Variants in CERS6 observed in about 807,000 individuals in gnomAD.
CERS6 encodes LAG1 homolog, ceramide synthase 6.
CERS6 carries 26 observed loss-of-function variants against 56.8 expected under a neutral mutation model. That is an observed-to-expected ratio of 0.46 (90% CI 0.34 to 0.63). CERS6 has a LOEUF of 0.63. Ranked by LOEUF, CERS6 falls within the 30% of genes least tolerant of loss-of-function variation. The pLI, the probability that CERS6 is intolerant of heterozygous loss-of-function variation, is 0.01. For missense variants in CERS6, 415 were observed against 467.5 expected (o/e 0.89, Z 1.04); for synonymous variants, 164 against 173.3 (o/e 0.95, Z 0.42).
chr2:168,560,727 T>G (rs1477348232), intron 2 of CERS6, among the ~76,000 whole-genome samples: 1 of 152,222 alleles, frequency 6.6e-6, no homozygotes, highest in African/African-American at 2.4e-5. Flanking sequence ...TTTTCCATGC[T>G]TTTTGTCTCT....
At chr2:168,493,023 T>G (rs1694401643) in intron 1 of CERS6, among the ~76,000 whole-genome samples, 1 of 152,208 alleles carries the variant, frequency 6.6e-6, no homozygotes, top group South Asian at 2.1e-4. Flanking sequence ...GTTTTTAGAA[T>G]GTATACTTCT....
chr2:168,732,896 A>G (rs1683586339), intron 8 of CERS6, among the ~76,000 whole-genome samples: 1 of 152,176 alleles, frequency 6.6e-6, no homozygotes, highest in South Asian at 2.1e-4. Flanking sequence ...AAATAAAGTG[A>G]TGCTTGGTTG....
chr2:168,569,419 G>C (rs543516736), intron 3 of CERS6, among the ~76,000 whole-genome samples: 1 of 152,364 alleles, frequency 6.6e-6, no homozygotes, highest in South Asian at 2.1e-4. Flanking sequence ...GTGCTGGAAG[G>C]AGGAAGATCT....
intron 6 of CERS6, among the ~76,000 whole-genome samples, chr2:168,705,879 C>G (rs1197623179): frequency 6.6e-6 from 1 of 152,142 alleles, no homozygotes; most frequent in Admixed American, 6.5e-5. Flanking sequence ...TTCTGCTAAC[C>G]CTTGCATCAC....
intron 8 of CERS6, among the ~76,000 whole-genome samples, chr2:168,750,274 T>C (rs1358626291): frequency 1.3e-5 from 2 of 152,226 alleles, no homozygotes; most frequent in Non-Finnish European, 2.9e-5. Context: ...ATCATTCTCA[T>C]GTGGCTTCCT....
intron 8 of CERS6, among the ~76,000 whole-genome samples, chr2:168,758,976 A>C (rs1233909057): frequency 6.6e-6 from 1 of 152,226 alleles, no homozygotes; most frequent in East Asian, 1.9e-4. Context: ...ACTGTTCTGC[A>C]TGAATGTATG....
intron 3 of CERS6, among the ~76,000 whole-genome samples, chr2:168,566,048 T>G (rs1695878131): frequency 6.6e-6 from 1 of 152,194 alleles, no homozygotes; most frequent in African/African-American, 2.4e-5. Flanking sequence ...TTGCTGGATG[T>G]AACAGAAGAA....
intron 8 of CERS6, among the ~76,000 whole-genome samples, chr2:168,728,819 A>C (rs1253051763): frequency 1.3e-5 from 2 of 151,250 alleles, no homozygotes; most frequent in African/African-American, 4.9e-5. Flanking sequence ...TGGCCTGGCC[A>C]ACATGGTGAA....
At chr2:168,557,472 T>C (rs919292865) in intron 2 of CERS6, among the ~76,000 whole-genome samples, 2 of 152,176 alleles carry the variant, frequency 1.3e-5, no homozygotes, top group African/African-American at 4.8e-5. Flanking sequence ...TAAAGATTTC[T>C]GAGAAAACTA....
chr2:168,678,264 G>A (rs1686116593), intron 4 of CERS6, among the ~76,000 whole-genome samples: 1 of 152,152 alleles, frequency 6.6e-6, no homozygotes, highest in African/African-American at 2.4e-5. Context: ...TCAAAAATCT[G>A]CAGATGGCCC....
intron 8 of CERS6, among the ~76,000 whole-genome samples, chr2:168,751,525 A>AT (rs907577967): frequency 1.4e-4 from 21 of 150,192 alleles, no homozygotes; most frequent in South Asian, 8.4e-4. Context: ...ACTGAGCAGT[A>AT]TTTTTTTTTT....
chr2:168,616,501 C>T (rs897663469), intron 3 of CERS6, among the ~76,000 whole-genome samples: 1 of 152,120 alleles, frequency 6.6e-6, no homozygotes, highest in Non-Finnish European at 1.5e-5. Flanking sequence ...TTACCTAATA[C>T]ATAAGGACTC....
In CERS6 at chr2:168,674,899, A is replaced by G. The variant is rs560517972; in HGVS notation, c.466-16135A>G. ...TTTGTTTATGTTATTGATGTTAGCT[A>G]TTTGTCATATCTATTGGTATTTATT... On this transcript the variant is annotated intron_variant, in intron 4 of 9. Coordinates refer to ENST00000305747, the MANE Select transcript of CERS6 (RefSeq NM_203463.3). 7.2e-5 allele frequency among the ~76,000 whole-genome samples: 11 copies of G among 152,242 alleles called. No individual in the cohort carries two copies. The South Asian group carries it at 2.1e-3, about 29-fold the overall frequency.
chr2:168,754,095 A>G (rs765651801), intron 8 of CERS6, among the ~76,000 whole-genome samples: 1 of 152,158 alleles, frequency 6.6e-6, no homozygotes, highest in African/African-American at 2.4e-5. Context: ...GAAGCCAGGC[A>G]TCAAATACCA....
intron 4 of CERS6, among the ~76,000 whole-genome samples, chr2:168,682,484 A>G (rs961726315): frequency 4.6e-5 from 7 of 152,142 alleles, no homozygotes; most frequent in African/African-American, 1.7e-4. Context: ...TAAAATATGA[A>G]TGTGCCTGTT....
At chr2:168,717,081 G>GT (rs1408945197) in intron 7 of CERS6, among the ~76,000 whole-genome samples, 1 of 152,150 alleles carries the variant, frequency 6.6e-6, no homozygotes, top group Non-Finnish European at 1.5e-5. Flanking sequence ...AGAATCATCT[G>GT]TAAAAAAAGT....
intron 6 of CERS6, among the ~76,000 whole-genome samples, chr2:168,714,403 C>T (rs1687175699): frequency 6.6e-6 from 1 of 152,200 alleles, no homozygotes; most frequent in Non-Finnish European, 1.5e-5. Flanking sequence ...AACCTACTGT[C>T]CCTTCATAGA....
intron 1 of CERS6, among the ~76,000 whole-genome samples, chr2:168,488,040 A>T (rs1694306308): frequency 6.6e-6 from 1 of 152,188 alleles, no homozygotes; most frequent in Non-Finnish European, 1.5e-5. Flanking sequence ...GTTAGTGAGG[A>T]TGCCATGCCA....
intron 5 of CERS6, among the ~76,000 whole-genome samples, chr2:168,691,476 G>A (rs192593103): frequency 1.3e-5 from 2 of 152,258 alleles, no homozygotes; most frequent in Admixed American, 6.5e-5. Context: ...GGCTAGAGCA[G>A]GTACACTGAG....
Sources: gnomAD v4.1 joint callset for allele counts (sites outside exome capture counted in the v4.1 genomes callset) on GRCh38, gnomAD v4.1.1 for gene constraint, MANE v1.5 for transcripts, NCBI Gene and HGNC (gene_info 2026-07-23, HGNC 2026-07-21) for gene names.